Variants in BCAR3 observed in about 807,000 individuals in gnomAD.
BCAR3 encodes breast cancer anti-estrogen resistance protein 3.
A neutral mutation model predicts 80.1 loss-of-function variants in BCAR3; 37 were observed. That is an observed-to-expected ratio of 0.46 (90% CI 0.36 to 0.61). BCAR3 has a LOEUF of 0.61. BCAR3 is among the 20% of genes least tolerant of loss of function. The pLI, the probability that BCAR3 is intolerant of heterozygous loss-of-function variation, is 0.00. For missense variants in BCAR3, 978 were observed against 1,068.2 expected (o/e 0.92, Z 1.18); for synonymous variants, 389 against 418.9 (o/e 0.93, Z 0.87).
intron 2 of BCAR3, among the ~76,000 whole-genome samples, chr1:93,843,407 A>C (rs1655034409): frequency 6.6e-6 from 1 of 152,242 alleles, no homozygotes; most frequent in Non-Finnish European, 1.5e-5. Flanking sequence ...CACACTTACC[A>C]TGTGCCAGAA....
At chr1:93,722,715 G>T (rs1354028433) in intron 2 of BCAR3, among the ~76,000 whole-genome samples, 1 of 152,168 alleles carries the variant, frequency 6.6e-6, no homozygotes, top group Non-Finnish European at 1.5e-5. Context: ...TGTGTTCCGG[G>T]CTGGGCTCTC....
At chr1:93,830,087 C>T (rs970809231) in intron 2 of BCAR3, among the ~76,000 whole-genome samples, 1 of 152,174 alleles carries the variant, frequency 6.6e-6, no homozygotes, top group Admixed American at 6.5e-5. Context: ...TGAGGCCTCC[C>T]CAGAAGCCAA....
chr1:93,667,878 A>T (rs542334022), intron 2 of BCAR3, among the ~76,000 whole-genome samples: 46 of 152,290 alleles, frequency 3.0e-4, no homozygotes, highest in African/African-American at 1.1e-3. Flanking sequence ...CCAATCAACC[A>T]CAGCAACTAC....
rs768094406 is a variant in BCAR3 at position 93,592,302 on chromosome 1, C to T, written c.449G>A (p.Arg150His). Reference protein sequence around the residue: ...EELLLSSEDLRSHAWYHGRIP... With the variant: ...EELLLSSEDLHSHAWYHGRIP... The stretch of plus-strand genomic sequence containing the variant: ...GCGGCCGTGGTACCAGGCATGGCTG[C>T]GCAGGTCCTCGCTGCTCAGGAGCAG... The change falls in exon 4 of 12, where the codon CGC becomes CAC. Residue 150 changes from arginine (R) to histidine (H), a missense_variant. Arg to His is a conservative substitution (Grantham distance 29). Transcript: ENST00000260502. The surrounding 1 kb of genome is among the most constrained non-coding windows in gnomAD (Gnocchi z 4.8). 186 of 1,612,174 alleles carry T rather than the reference C, an allele frequency of 1.2e-4. No homozygotes were observed. Among genetic ancestry groups the T allele is most frequent in the South Asian group, 7.4e-4 (67 of 91,050 alleles).
At chr1:93,722,512 CACT>C (rs1449560640) in intron 2 of BCAR3, among the ~76,000 whole-genome samples, 1 of 152,212 alleles carries the variant, frequency 6.6e-6, no homozygotes, top group Non-Finnish European at 1.5e-5. Flanking sequence ...CGCAGGCAGC[CACT>C]AGAGGACTGT....
intron 2 of BCAR3, among the ~76,000 whole-genome samples, chr1:93,834,974 C>T (rs1012007582): frequency 8.5e-5 from 13 of 152,164 alleles, no homozygotes; most frequent in East Asian, 1.9e-4. Context: ...TTATCGATGG[C>T]GGTTCCACCA....
intron 2 of BCAR3, among the ~76,000 whole-genome samples, chr1:93,716,467 C>T (rs1041320466): frequency 3.3e-5 from 5 of 152,188 alleles, no homozygotes; most frequent in African/African-American, 7.2e-5. Flanking sequence ...TAAATTCAAA[C>T]TCATTAGCTT....
chr1:93,840,302 T>C (rs1038677894), intron 2 of BCAR3, among the ~76,000 whole-genome samples: 3 of 152,192 alleles, frequency 2.0e-5, no homozygotes, highest in Non-Finnish European at 4.4e-5. Flanking sequence ...CTGCTTTCCC[T>C]GTGGTTTGCC....
At chr1:93,625,685 G>A (rs1483380193) in intron 3 of BCAR3, among the ~76,000 whole-genome samples, 3 of 152,188 alleles carry the variant, frequency 2.0e-5, no homozygotes, top group Non-Finnish European at 2.9e-5. Context: ...ACAATTAGAT[G>A]CCATCTGGAG....
At chr1:93,693,537 T>G (rs893133765) in intron 3 of BCAR3, among the ~76,000 whole-genome samples, 5 of 152,238 alleles carry the variant, frequency 3.3e-5, no homozygotes, top group African/African-American at 1.2e-4. Context: ...GCCTTTCTTG[T>G]GGACTGGGTA....
intron 3 of BCAR3, among the ~76,000 whole-genome samples, chr1:93,637,911 CCA>C (rs1346090533): frequency 2.0e-4 from 30 of 152,266 alleles, no homozygotes; most frequent in African/African-American, 7.0e-4. Context: ...ACAATGGAAC[CCA>C]CAGAGAGCAG....
chr1:93,588,819 G>A (rs1160471850), intron 5 of BCAR3, among the ~76,000 whole-genome samples, 158 bp downstream of exon 5: 2 of 152,188 alleles, frequency 1.3e-5, no homozygotes, highest in African/African-American at 4.8e-5. Context: ...TCAGCTGGGA[G>A]CTAATTGTTC....
At chr1:93,764,626 C>T (rs1433015463) in intron 2 of BCAR3, among the ~76,000 whole-genome samples, 2 of 152,146 alleles carry the variant, frequency 1.3e-5, no homozygotes, top group East Asian at 1.9e-4. Flanking sequence ...ATCCCCACAT[C>T]GCTACCAGGA....
chr1:93,797,042 G>A (rs1653301162), intron 2 of BCAR3, among the ~76,000 whole-genome samples: 1 of 152,136 alleles, frequency 6.6e-6, no homozygotes, highest in South Asian at 2.1e-4. Context: ...GAAGAAGAGG[G>A]CCCATATGTT....
chr1:93,700,276 T>C (rs907325864), intron 3 of BCAR3, among the ~76,000 whole-genome samples: 1 of 152,074 alleles, frequency 6.6e-6, no homozygotes, highest in Non-Finnish European at 1.5e-5. Flanking sequence ...CACTGCAGCC[T>C]CCTCCTCCTG....
chr1:93,624,618 T>C (rs541007892), intron 3 of BCAR3, among the ~76,000 whole-genome samples: 1 of 152,344 alleles, frequency 6.6e-6, no homozygotes, highest in Non-Finnish European at 1.5e-5. Flanking sequence ...ATCATTGGAA[T>C]GCCTGAACAT....
At chr1:93,822,779 G>A (rs1210393928) in intron 2 of BCAR3, among the ~76,000 whole-genome samples, 1 of 151,810 alleles carries the variant, frequency 6.6e-6, no homozygotes, top group African/African-American at 2.4e-5. Context: ...CTGAAAGTGA[G>A]ACAAAGTTAT....
intron 2 of BCAR3, among the ~76,000 whole-genome samples, chr1:93,743,714 G>T (rs1335170472): frequency 1.3e-5 from 2 of 152,136 alleles, no homozygotes; most frequent in African/African-American, 4.8e-5. Context: ...GTACAGACAA[G>T]CTCATTCTTA....
intron 3 of BCAR3, among the ~76,000 whole-genome samples, chr1:93,632,652 C>T (rs1050503878): frequency 3.3e-5 from 5 of 152,176 alleles, no homozygotes; most frequent in African/African-American, 7.2e-5. Flanking sequence ...AAAGCAGCCA[C>T]AGACAATACA....
Sources: gnomAD v4.1 joint callset for allele counts (sites outside exome capture counted in the v4.1 genomes callset) on GRCh38, gnomAD v4.1.1 for gene constraint, Gnocchi (gnomAD v3.1) non-coding constraint, MANE v1.5 for transcripts, NCBI Gene and HGNC (gene_info 2026-07-23, HGNC 2026-07-21) for gene names.